The following SPATA16 variants were observed in gnomAD, a reference collection of about 807,000 sequenced individuals.
SPATA16 encodes spermatogenesis-associated protein 16.
Under a neutral mutation model 63.3 loss-of-function variants are expected in SPATA16, and 36 were observed. The ratio of observed to expected loss-of-function variants is 0.57; its 90% CI spans 0.44 to 0.75. SPATA16 has a LOEUF of 0.75. SPATA16 is among the 30% of genes least tolerant of loss of function. The pLI is 0.00. For missense variants in SPATA16, 646 were observed against 679.3 expected, an observed-to-expected ratio of 0.95 and a Z score of 0.54; for synonymous variants, 203 against 216.7, an observed-to-expected ratio of 0.94 and a Z score of 0.56.
chr3:173,088,012 T>G (rs879260846), intron 2 of SPATA16, among the ~76,000 whole-genome samples: 6 of 45,594 alleles, frequency 1.3e-4, no homozygotes, highest in Non-Finnish European at 2.4e-4. Context: ...CTTTCCGTCT[T>G]TCTTTCTTTC....
At chr3:172,996,565 C>G (rs1734697434) in intron 4 of SPATA16, among the ~76,000 whole-genome samples, 1 of 152,072 alleles carries the variant, frequency 6.6e-6, no homozygotes, top group Non-Finnish European at 1.5e-5. Flanking sequence ...TCCCTGATCT[C>G]TTCCTCAACC....
At chr3:172,926,381 C>G (rs948563707) in intron 6 of SPATA16, among the ~76,000 whole-genome samples, 41 of 152,142 alleles carry the variant, frequency 2.7e-4, no homozygotes, top group Admixed American at 2.7e-3. Flanking sequence ...CTAATATTTA[C>G]TGAGTACTTA....
intron 4 of SPATA16, among the ~76,000 whole-genome samples, chr3:172,981,411 G>A (rs999694453): frequency 1.3e-5 from 2 of 152,156 alleles, no homozygotes; most frequent in African/African-American, 4.8e-5. Flanking sequence ...TGGCGTTTAA[G>A]TCCTATATCA....
intron 2 of SPATA16, among the ~76,000 whole-genome samples, chr3:173,049,808 G>A (rs1318333348): frequency 6.6e-6 from 1 of 151,878 alleles, no homozygotes; most frequent in Non-Finnish European, 1.5e-5. Flanking sequence ...ATTTTTTTTG[G>A]AGAACCCCAA....
chr3:173,066,148 C>A (rs1044540149), intron 2 of SPATA16, among the ~76,000 whole-genome samples: 6 of 151,962 alleles, frequency 3.9e-5, no homozygotes, highest in African/African-American at 1.5e-4. Flanking sequence ...AAATAGAGCA[C>A]CAGATTTCTG....
chr3:172,969,909 A>G (rs921078016), intron 5 of SPATA16, among the ~76,000 whole-genome samples: 11 of 152,190 alleles, frequency 7.2e-5, no homozygotes, highest in African/African-American at 2.7e-4. Flanking sequence ...CCATAAAAAG[A>G]ACTTGCATCA....
At chr3:172,930,383 A>C (rs898810575) in intron 6 of SPATA16, among the ~76,000 whole-genome samples, 1 of 152,016 alleles carries the variant, frequency 6.6e-6, no homozygotes, top group African/African-American at 2.4e-5. Context: ...GCCTTTGCTT[A>C]TCTGGCCTCT....
chr3:173,059,832 CTTTTTTTTTTTTTTTTT>C (rs201000096), intron 2 of SPATA16, among the ~76,000 whole-genome samples: 1 of 71,304 alleles, frequency 1.4e-5, no homozygotes, highest in East Asian at 3.5e-4. Context: ...CATTTGGTAG[CTTTTTTTTTTTTTTTTT>C]TTTTTTTTTT....
chr3:173,068,354 G>A (rs972428773), intron 2 of SPATA16, among the ~76,000 whole-genome samples: 6 of 152,184 alleles, frequency 3.9e-5, no homozygotes, highest in Admixed American at 2.0e-4. Flanking sequence ...GGGAGAAAAC[G>A]GTTGAAGTGT....
chr3:172,902,919 A>G (rs1443389068), intron 10 of SPATA16, among the ~76,000 whole-genome samples: 1 of 152,216 alleles, frequency 6.6e-6, no homozygotes, highest in Non-Finnish European at 1.5e-5. Context: ...TTAGAGCTGC[A>G]TGTAAAGGCA....
At chr3:172,912,001 A>G (rs527961711) in intron 10 of SPATA16, among the ~76,000 whole-genome samples, 1 of 152,348 alleles carries the variant, frequency 6.6e-6, no homozygotes, top group East Asian at 1.9e-4. Flanking sequence ...ACTCTAAAAC[A>G]TTCCAAACCT....
intron 1 of SPATA16, among the ~76,000 whole-genome samples, chr3:173,118,956 G>A (rs1460795199): frequency 3.9e-5 from 6 of 152,152 alleles, no homozygotes; most frequent in South Asian, 2.1e-4. Context: ...GTCAGTGTCC[G>A]ACTCAAGATA....
intron 4 of SPATA16, among the ~76,000 whole-genome samples, chr3:173,017,948 A>G (rs1287721734): frequency 1.3e-5 from 2 of 151,808 alleles, no homozygotes; most frequent in Non-Finnish European, 2.9e-5. Context: ...GCGAGGAAAC[A>G]TGTGTGGTCA....
intron 8 of SPATA16, among the ~76,000 whole-genome samples, chr3:172,917,866 C>T (rs1046167595): frequency 1.4e-4 from 22 of 152,322 alleles, no homozygotes; most frequent in South Asian, 1.2e-3. Flanking sequence ...AGGCCACACT[C>T]GTATTCTGAC....
rs1735265311 is a variant in SPATA16 at position 173,019,357 on chromosome 3, T to C, written c.848+129A>G. On this transcript the variant is annotated intron_variant, in intron 4 of 10. Coordinates refer to ENST00000351008, the MANE Select transcript of SPATA16 (RefSeq NM_031955.6). Reference sequence around the variant, plus strand: ...TCAATAATTGCTGGTTTGACGTTGATAGACAATAATTTGGATAAAATCATA... The same window carrying C: ...TCAATAATTGCTGGTTTGACGTTGACAGACAATAATTTGGATAAAATCATA... The C allele has an allele frequency of 1.3e-5, 11 of 857,618 alleles. 1 individual carries two copies. The highest frequency in any genetic ancestry group is 5.0e-5 in the African/African-American group (3 of 60,232). The allele number at this position is 857,618 out of a possible 1,614,324, so 53.1% of individuals were successfully genotyped here.
chr3:173,023,137 ATGTG>A (rs11282206), intron 3 of SPATA16, among the ~76,000 whole-genome samples: 1,483 of 139,906 alleles, frequency 0.011, 15 homozygotes, highest in East Asian at 0.033. Flanking sequence ...ATGCTTGTGT[ATGTG>A]TGTGTGTGTG....
At chr3:172,981,437 C>T (rs911190456) in intron 4 of SPATA16, among the ~76,000 whole-genome samples, 1 of 152,178 alleles carries the variant, frequency 6.6e-6, no homozygotes, top group Non-Finnish European at 1.5e-5. Context: ...ACACATGTTG[C>T]TTCTCTGACC....
chr3:173,087,322 T>C (rs1050286010), intron 2 of SPATA16, among the ~76,000 whole-genome samples: 3 of 152,246 alleles, frequency 2.0e-5, no homozygotes, highest in Non-Finnish European at 4.4e-5. Context: ...TTGAAGTCTA[T>C]TTCATCAGAA....
chr3:173,028,430 G>A (rs1735519508), intron 3 of SPATA16, among the ~76,000 whole-genome samples: 1 of 151,866 alleles, frequency 6.6e-6, no homozygotes, highest in African/African-American at 2.4e-5. Flanking sequence ...CTAATGAAAT[G>A]TCTTTAGCCC....
Sources: allele counts gnomAD v4.1 joint callset (sites outside exome capture counted in the v4.1 genomes callset), GRCh38; gene constraint gnomAD v4.1.1; transcripts MANE v1.5; gene names NCBI Gene and HGNC (gene_info 2026-07-23, HGNC 2026-07-21).